INPP5A: variants seen among roughly 807,000 people sequenced by gnomAD.
INPP5A encodes 43 kDa inositol polyphosphate 5-phophatase.
A neutral mutation model predicts 65.2 loss-of-function variants in INPP5A; 14 were observed. The ratio of observed to expected loss-of-function variants is 0.21; its 90% confidence interval spans 0.14 to 0.34. The LOEUF is 0.34. INPP5A is among the 10% of genes least tolerant of loss of function. INPP5A has a pLI of 1.00. For missense variants in INPP5A, 431 were observed against 545.6 expected (o/e 0.79, Z 2.09); for synonymous variants, 207 against 208.3 (o/e 0.99, Z 0.05).
intron 11 of INPP5A, among the ~76,000 whole-genome samples, chr10:132,758,478 C>T (rs1015071565): frequency 2.6e-5 from 4 of 151,948 alleles, no homozygotes; most frequent in Admixed American, 1.3e-4. Flanking sequence ...CTTGGCTGAC[C>T]CCACAGCCCA....
intron 11 of INPP5A, 50 bp downstream of exon 11, chr10:132,749,895 C>A: frequency 6.7e-7 from 1 of 1,482,816 alleles, no homozygotes; most frequent in Non-Finnish European, 9.4e-7. Context: ...GACATCCACG[C>A]CCCCAGGCCT....
In INPP5A at chr10:132,726,805, C is replaced by T. The variant is rs1845993561; in HGVS notation, c.648-16C>T. On this transcript the variant is annotated splice_polypyrimidine_tract_variant and intron_variant, in intron 8 of 15. Transcript: ENST00000368594. Reference sequence around the variant, plus strand: ...GCTTCAGCGCCCTCGGTAACAAGTCCTCTTTTTCTTTCCAGAATCATTGAT... The same window carrying T: ...GCTTCAGCGCCCTCGGTAACAAGTCTTCTTTTTCTTTCCAGAATCATTGAT... 1.9e-6 allele frequency: 3 copies of T among 1,588,044 alleles called. No homozygotes were observed. The highest frequency in any genetic ancestry group is 1.7e-6 in the Non-Finnish European group (2 of 1,161,250).
At chr10:132,731,015 C>T (rs1434678295) in intron 9 of INPP5A, among the ~76,000 whole-genome samples, 1 of 152,224 alleles carries the variant, frequency 6.6e-6, no homozygotes, top group East Asian at 1.9e-4. Context: ...ACTTGCTGTC[C>T]AGCCAGCTTG....
rs532559954 is a variant in INPP5A, at chr10:132,629,983, C to T, written c.118-15885C>T. Among the ~76,000 whole-genome samples, 14 of 151,094 alleles carry T rather than the reference C, an allele frequency of 9.3e-5. 1 individual carries two copies. Among genetic ancestry groups the T allele is most frequent in the Admixed American group, 6.6e-4 (10 of 15,198 alleles). The stretch of plus-strand genomic sequence containing the variant: ...TGAGGGCAAAGCGTTCTTGAGGGAA[C>T]GTCATCCTCGAGGGAAAAGCATCCT... On this transcript the variant is annotated intron_variant, in intron 2 of 15. Transcript: ENST00000368594.
At chr10:132,679,751 A>G (rs2073018187) in intron 4 of INPP5A, among the ~76,000 whole-genome samples, 1 of 152,262 alleles carries the variant, frequency 6.6e-6, no homozygotes, top group South Asian at 2.1e-4. Flanking sequence ...TAAATTGCCA[A>G]TAATCTTAAA....
intron 4 of INPP5A, among the ~76,000 whole-genome samples, chr10:132,681,738 G>C (rs1369366648): frequency 6.6e-6 from 1 of 152,162 alleles, no homozygotes; most frequent in Non-Finnish European, 1.5e-5. Context: ...CCCACTTCTG[G>C]GTACAGACCC....
intron 8 of INPP5A, among the ~76,000 whole-genome samples, chr10:132,724,765 A>T (rs1291898758): frequency 2.8e-5 from 4 of 143,132 alleles, no homozygotes; most frequent in Non-Finnish European, 6.0e-5. Context: ...TGCACATGCC[A>T]TATTCACCAC....
Position 132,705,362 on chromosome 10 carries a change from C to T in INPP5A, c.475-2951C>T, listed in dbSNP as rs1018940302. Among the ~76,000 whole-genome samples the T allele has an allele frequency of 6.6e-6, 1 of 152,256 alleles. No homozygotes were observed. Among genetic ancestry groups the T allele is most frequent in the African/African-American group, 2.4e-5 (1 of 41,468 alleles). ...CTCCCTGGGTCGTCTGGGCATGGCCCCATGCAGCAGCCAGACCAGTAGCCT... is the reference window on the plus strand; with the variant it reads ...CTCCCTGGGTCGTCTGGGCATGGCCTCATGCAGCAGCCAGACCAGTAGCCT... On this transcript the variant is annotated intron_variant, in intron 6 of 15. Transcript: ENST00000368594. This position sits in a 1 kb window ranked among gnomAD's most constrained non-coding sequence, Gnocchi z 4.9.
chr10:132,714,245 GCTCAGCCAGCCGCA>G (rs1845700444), intron 8 of INPP5A, among the ~76,000 whole-genome samples: 1 of 152,136 alleles, frequency 6.6e-6, no homozygotes, highest in African/African-American at 2.4e-5. Flanking sequence ...CCTGCGGCGC[GCTCAGCCAGCCGCA>G]GATCCGGACC....
intron 2 of INPP5A, among the ~76,000 whole-genome samples, chr10:132,622,140 AG>A (rs1421458321): frequency 1.3e-5 from 2 of 152,020 alleles, no homozygotes; most frequent in African/African-American, 4.8e-5. Context: ...TTACAATAGC[AG>A]TAAAATGAAA....
intron 3 of INPP5A, among the ~76,000 whole-genome samples, chr10:132,647,644 G>T (rs987263971): frequency 6.6e-6 from 1 of 152,120 alleles, no homozygotes; most frequent in African/African-American, 2.4e-5. Flanking sequence ...AGGCAGGTGC[G>T]CAGCCCAGAG....
intron 1 of INPP5A, among the ~76,000 whole-genome samples, chr10:132,591,637 G>A (rs1358701946): frequency 6.6e-6 from 1 of 152,210 alleles, no homozygotes; most frequent in Admixed American, 6.5e-5. Flanking sequence ...GGTTGTTGTT[G>A]GTGTCTGTGA....
chr10:132,604,446 A>C (rs117159799), intron 1 of INPP5A, among the ~76,000 whole-genome samples: 2,274 of 152,336 alleles, frequency 0.015, 31 homozygotes, highest in South Asian at 0.039. Flanking sequence ...GGATGCAGTC[A>C]GACCCTGTTT....
chr10:132,750,124 C>T (rs148668451), intron 11 of INPP5A, among the ~76,000 whole-genome samples: 68 of 152,338 alleles, frequency 4.5e-4, no homozygotes, highest in African/African-American at 1.4e-3. Flanking sequence ...CGAGGGGAGA[C>T]GCTGGTGCTG....
At position 132,710,231 on chromosome 10, in the gene INPP5A, C is replaced by T. The variant is rs996033094; in HGVS notation, c.528-106C>T. 2.1e-5 allele frequency: 29 copies of T among 1,360,460 alleles called. 1 individual carries two copies. Among genetic ancestry groups the T allele is most frequent in the East Asian group, 5.0e-5 (2 of 39,754 alleles). The allele number at this position is 1,360,460 out of a possible 1,614,324, so 84.3% of individuals were successfully genotyped here. A position where few individuals can be genotyped will look rare whatever the true frequency, so the allele number is the denominator to read the frequency against. On this transcript the variant is annotated intron_variant, in intron 7 of 15. Coordinates refer to ENST00000368594, the MANE Select transcript of INPP5A (RefSeq NM_005539.5). ...CCCCGCCTCGGGTGGCTCCGCACGG[C>T]GGAGGCCAGTGCAGGTCTTATCTTC...
At chr10:132,633,825 G>A (rs2072304119) in intron 2 of INPP5A, among the ~76,000 whole-genome samples, 2 of 152,306 alleles carry the variant, frequency 1.3e-5, no homozygotes, top group South Asian at 4.1e-4. Flanking sequence ...TAAACAGTGA[G>A]CACGTTCAGC....
Position 132,545,223 on chromosome 10 carries a change from G to A in INPP5A, c.75+7052G>A, listed in dbSNP as rs1308058531. On this transcript the variant is annotated intron_variant, in intron 1 of 15. Coordinates refer to ENST00000368594, the MANE Select transcript of INPP5A (RefSeq NM_005539.5). This position sits in a 1 kb window ranked among gnomAD's most constrained non-coding sequence, Gnocchi z 4.6. ...TGGGGGAAGAGGCTGGTACTGGGGT[G>A]TTTCCGTGGACTTGTTGGGTCTGAT... 2.0e-5 allele frequency among the ~76,000 whole-genome samples: 3 copies of A among 152,162 alleles called. No individual in the cohort carries two copies. The highest frequency in any genetic ancestry group is 7.2e-5 in the African/African-American group (3 of 41,426).
chr10:132,654,842 G>C (rs895674172), intron 4 of INPP5A, among the ~76,000 whole-genome samples: 1 of 152,262 alleles, frequency 6.6e-6, no homozygotes, highest in Admixed American at 6.5e-5. Flanking sequence ...TGAGCCTGTG[G>C]GGGGGACGCG....
rs1845378414 is a variant in INPP5A, at chr10:132,698,308, G to A, written c.474+389G>A. ...TGGCTGACAGTCCTGTGTGCCCGTGGTGTGAGTGTGGGGCAGGGGCACGGT... is the reference window on the plus strand; with the variant it reads ...TGGCTGACAGTCCTGTGTGCCCGTGATGTGAGTGTGGGGCAGGGGCACGGT... On this transcript the variant is annotated intron_variant, in intron 6 of 15. Transcript: ENST00000368594. The surrounding 1 kb of genome is among the most constrained non-coding windows in gnomAD (Gnocchi z 5.5). 6.6e-6 allele frequency among the ~76,000 whole-genome samples: 1 copy of A among 152,242 alleles called. No individual in the cohort carries two copies. Among genetic ancestry groups the A allele is most frequent in the East Asian group, 1.9e-4 (1 of 5,192 alleles).
Sources: gnomAD v4.1 joint callset for allele counts (sites outside exome capture counted in the v4.1 genomes callset) on GRCh38, gnomAD v4.1.1 for gene constraint, Gnocchi (gnomAD v3.1) non-coding constraint, MANE v1.5 for transcripts, NCBI Gene and HGNC (gene_info 2026-07-23, HGNC 2026-07-21) for gene names.